The following CTNND2 variants were observed in gnomAD, a reference collection of about 807,000 sequenced individuals.
The protein encoded by CTNND2 is catenin delta 2, also known as catenin delta-2.
In CTNND2, 22 loss-of-function variants were observed where a neutral mutation model predicts 144.4. The ratio of observed to expected loss-of-function variants is 0.15; its 90% confidence interval spans 0.11 to 0.22. The LOEUF (loss-of-function observed/expected upper bound fraction) is 0.22, where lower values mean the gene tolerates loss of function less well. Ranked by LOEUF, CTNND2 falls within the 10% of genes least tolerant of loss-of-function variation. The probability of loss-of-function intolerance (pLI) is 1.00; values close to 1 mark genes in which losing one functional copy is unlikely to be tolerated. For missense variants in CTNND2, 1,353 were observed against 1,618.8 expected (o/e 0.84, Z 2.82); for synonymous variants, 751 against 695.6 (o/e 1.08, Z -1.25).
intron 1 of CTNND2, among the ~76,000 whole-genome samples, chr5:11,857,803 G>A (rs936473312): frequency 3.9e-5 from 6 of 152,144 alleles, no homozygotes; most frequent in African/African-American, 9.7e-5. Flanking sequence ...TTTTGTGATC[G>A]TGCATGAGCA....
chr5:11,678,453 G>A (rs1196391923), intron 2 of CTNND2, among the ~76,000 whole-genome samples: 3 of 152,154 alleles, frequency 2.0e-5, no homozygotes, highest in African/African-American at 7.2e-5. Context: ...CCTAGATAGT[G>A]CAAGCGGCCA....
At chr5:11,308,377 C>A (rs975027100) in intron 9 of CTNND2, among the ~76,000 whole-genome samples, 37 of 152,282 alleles carry the variant, frequency 2.4e-4, no homozygotes, top group African/African-American at 8.2e-4. Flanking sequence ...TCACAACTAG[C>A]CAGCTCTGCT....
intron 3 of CTNND2, among the ~76,000 whole-genome samples, chr5:11,466,983 G>A (rs1158536503): frequency 6.6e-6 from 1 of 152,202 alleles, no homozygotes; most frequent in Non-Finnish European, 1.5e-5. Context: ...AGTGTGGGCT[G>A]GACACAGCAA....
chr5:11,349,100 G>A (rs1255948791), intron 8 of CTNND2, among the ~76,000 whole-genome samples: 1 of 152,108 alleles, frequency 6.6e-6, no homozygotes, highest in African/African-American at 2.4e-5. Context: ...CAGTTTCAGT[G>A]TTATTGAAGA....
At position 11,105,058 on chromosome 5, in the gene CTNND2, C is replaced by G. The variant is rs1374736949; in HGVS notation, c.2463+5800G>C. Among the ~76,000 whole-genome samples, 6 of 152,218 alleles carry G rather than the reference C, an allele frequency of 3.9e-5. No homozygotes were observed. In the East Asian group the frequency reaches 1.2e-3, roughly 29 times the overall value. ...CTGTGCTGTGCCCCACAGAAGACAGCTGTCAAGGCTGCTCCATATGACTGG... is the reference window on the plus strand; with the variant it reads ...CTGTGCTGTGCCCCACAGAAGACAGGTGTCAAGGCTGCTCCATATGACTGG... On this transcript the variant is annotated intron_variant, in intron 14 of 21. Transcript: ENST00000304623.
intron 14 of CTNND2, among the ~76,000 whole-genome samples, chr5:11,099,641 T>C (rs775053169): frequency 2.0e-5 from 3 of 152,178 alleles, no homozygotes; most frequent in Non-Finnish European, 4.4e-5. Flanking sequence ...CAATGTCTTT[T>C]TTTTCTACAT....
chr5:10,988,000 C>G, intron 20 of CTNND2, 111 bp downstream of exon 20: 1 of 1,413,874 alleles, frequency 7.1e-7, no homozygotes, highest in Admixed American at 1.9e-5. Context: ...CTGCTAAGTC[C>G]TGCTCAGCAG....
At chr5:11,198,558 C>T (rs1382680992) in intron 11 of CTNND2, among the ~76,000 whole-genome samples, 2 of 152,232 alleles carry the variant, frequency 1.3e-5, no homozygotes, top group Non-Finnish European at 2.9e-5. Flanking sequence ...AGAGTTAAGA[C>T]AGAAGGTCGA....
At position 11,885,021 on chromosome 5, in the gene CTNND2, C is replaced by T. The variant is rs141296105; in HGVS notation, c.37+18796G>A. On this transcript the variant is annotated intron_variant, in intron 1 of 21. Transcript: ENST00000304623. ...TGGGATAAATCTCACTTGATCATGG[C>T]GTATAAAAGCACTTTTGGATGTGCT... 2.7e-4 allele frequency among the ~76,000 whole-genome samples: 41 copies of T among 152,198 alleles called. No individual in the cohort carries two copies. In the South Asian group the frequency reaches 2.7e-3, roughly 10 times the overall value.
At chr5:11,288,250 AT>A (rs1428963599) in intron 9 of CTNND2, among the ~76,000 whole-genome samples, 1 of 152,152 alleles carries the variant, frequency 6.6e-6, no homozygotes, top group Admixed American at 6.6e-5. Flanking sequence ...AATGACACTG[AT>A]GTACTGACAA....
At chr5:11,191,975 G>T (rs534900366) in intron 11 of CTNND2, among the ~76,000 whole-genome samples, 1 of 152,286 alleles carries the variant, frequency 6.6e-6, no homozygotes, top group East Asian at 1.9e-4. Flanking sequence ...GCCTTCCACA[G>T]GCGTTTTCAC....
At chr5:11,363,862 A>C (rs1474045889) in intron 8 of CTNND2, among the ~76,000 whole-genome samples, 2 of 152,218 alleles carry the variant, frequency 1.3e-5, no homozygotes, top group Admixed American at 6.5e-5. Context: ...TCCCTGCCGG[A>C]GCTCATATAT....
chr5:11,742,510 C>T (rs552706023), intron 1 of CTNND2, among the ~76,000 whole-genome samples: 4 of 149,982 alleles, frequency 2.7e-5, no homozygotes, highest in South Asian at 4.2e-4. Context: ...CAGAGAATAC[C>T]CCCCTCCCTG....
chr5:11,354,205 G>T (rs966967880), intron 8 of CTNND2, among the ~76,000 whole-genome samples: 2 of 152,140 alleles, frequency 1.3e-5, no homozygotes, highest in Non-Finnish European at 2.9e-5. Context: ...GAGCTAGTTT[G>T]GTGAGAACAG....
chr5:11,405,562 C>T (rs1007377724), intron 5 of CTNND2, among the ~76,000 whole-genome samples: 1 of 149,564 alleles, frequency 6.7e-6, no homozygotes, highest in Non-Finnish European at 1.5e-5. Flanking sequence ...AGCCTGGCGA[C>T]AGAGCAGGAC....
intron 11 of CTNND2, among the ~76,000 whole-genome samples, chr5:11,166,717 G>T (rs143086032): frequency 6.6e-6 from 1 of 151,968 alleles, no homozygotes; most frequent in Admixed American, 6.5e-5. Context: ...GGCCCAGGAC[G>T]CCCTGAAGTC....
chr5:11,689,409 C>T (rs1389916262), intron 2 of CTNND2, among the ~76,000 whole-genome samples: 1 of 152,112 alleles, frequency 6.6e-6, no homozygotes, highest in Non-Finnish European at 1.5e-5. Flanking sequence ...AGTTGTGTTG[C>T]CCTCAAATTA....
intron 16 of CTNND2, among the ~76,000 whole-genome samples, chr5:11,042,984 T>G (rs1744839149): frequency 6.6e-6 from 1 of 152,186 alleles, no homozygotes; most frequent in African/African-American, 2.4e-5. Flanking sequence ...ACAAAAGAGA[T>G]AGTATCCTTT....
chr5:11,887,015 G>A (rs915807315), intron 1 of CTNND2, among the ~76,000 whole-genome samples: 18 of 113,910 alleles, frequency 1.6e-4, no homozygotes, highest in Middle Eastern at 9.1e-3. Context: ...ACAGAGTCTC[G>A]CTCTGTCACC....
Sources: gnomAD v4.1 joint callset for allele counts (sites outside exome capture counted in the v4.1 genomes callset) on GRCh38, gnomAD v4.1.1 for gene constraint, MANE v1.5 for transcripts, NCBI Gene and HGNC (gene_info 2026-07-23, HGNC 2026-07-21) for gene names.